The following RFX3 variants were observed in gnomAD, a reference collection of about 807,000 sequenced individuals.
The protein encoded by RFX3 is transcription factor RFX3.
Under a neutral mutation model 98.6 loss-of-function variants are expected in RFX3, and 14 were observed. The observed-to-expected ratio is 0.14, with a 90% CI of 0.09 to 0.22. The LOEUF is 0.22. Among genes scored for constraint, RFX3 ranks in the 10% least tolerant of loss-of-function variants. The probability of loss-of-function intolerance (pLI) is 1.00; values close to 1 mark genes in which losing one functional copy is unlikely to be tolerated. For missense variants in RFX3, 639 were observed against 926.9 expected (o/e 0.69, Z 4.03); for synonymous variants, 383 against 328.4 (o/e 1.17, Z -1.80).
In RFX3 at chr9:3,257,558, T is replaced by C. The variant is rs115720884; in HGVS notation, c.1606-359A>G. ...GGTCTTTCATCCTATTCAGCTTTCATACTGCTTTCAGAAGTTGTCTTTTTG... is the reference window on the plus strand; with the variant it reads ...GGTCTTTCATCCTATTCAGCTTTCACACTGCTTTCAGAAGTTGTCTTTTTG... On this transcript the variant is annotated intron_variant, in intron 13 of 16. Transcript: ENST00000617270. Among the ~76,000 whole-genome samples, 271 of 152,336 alleles carry C rather than the reference T, an allele frequency of 1.8e-3. 1 individual carries two copies. Among genetic ancestry groups the C allele is most frequent in the African/African-American group, 6.3e-3 (262 of 41,576 alleles).
chr9:3,344,782 G>T (rs1834264254), intron 3 of RFX3: 2 of 697,644 alleles, frequency 2.9e-6, no homozygotes, highest in Admixed American at 2.2e-5. Context: ...AGAGCATAAA[G>T]GTCGAAGTGG....
intron 15 of RFX3, among the ~76,000 whole-genome samples, chr9:3,238,836 A>C (rs1183868965): frequency 6.6e-6 from 1 of 151,884 alleles, no homozygotes; most frequent in Non-Finnish European, 1.5e-5. Context: ...AAAAATACAA[A>C]TACAAAATTA....
chr9:3,230,356 T>C (rs1234261182), intron 15 of RFX3, among the ~76,000 whole-genome samples: 1 of 152,136 alleles, frequency 6.6e-6, no homozygotes, highest in Non-Finnish European at 1.5e-5. Flanking sequence ...TTTAGAGCTA[T>C]TTTTTAGAGT....
chr9:3,276,230 T>C (rs1404302163), intron 8 of RFX3, among the ~76,000 whole-genome samples: 1 of 152,116 alleles, frequency 6.6e-6, no homozygotes, highest in East Asian at 1.9e-4. Flanking sequence ...CTGCTTCTCC[T>C]ATTACTCTTC....
chr9:3,271,398 T>C lies in RFX3; in HGVS notation c.1087-280A>G, dbSNP rs367719131. 2.3e-4 allele frequency among the ~76,000 whole-genome samples: 35 copies of C among 152,190 alleles called. 1 individual carries two copies. In the South Asian group the frequency reaches 7.3e-3, roughly 32 times the overall value. On this transcript the variant is annotated intron_variant, in intron 9 of 16. Coordinates refer to ENST00000617270, the MANE Select transcript of RFX3 (RefSeq NM_001282116.2). ...ACCCTCACTTCTACCTCTTTTTTCT[T>C]CCATTTTTCATTTTTGCTTTCATTC...
At chr9:3,232,045 A>G (rs1818533892) in intron 15 of RFX3, among the ~76,000 whole-genome samples, 1 of 151,770 alleles carries the variant, frequency 6.6e-6, no homozygotes, top group Admixed American at 6.6e-5. Flanking sequence ...AAAACAAGCA[A>G]GCAAGCAAGC....
intron 1 of RFX3, among the ~76,000 whole-genome samples, chr9:3,447,605 A>G (rs1461524327): frequency 2.0e-5 from 3 of 152,184 alleles, no homozygotes; most frequent in Non-Finnish European, 2.9e-5. Context: ...AAAAGGAGGT[A>G]ACCGACTTCT....
intron 1 of RFX3, among the ~76,000 whole-genome samples, chr9:3,457,023 C>A (rs1393589005): frequency 1.3e-5 from 2 of 151,604 alleles, no homozygotes; most frequent in Non-Finnish European, 2.9e-5. Flanking sequence ...CACCTGTAAT[C>A]CCAGCTACTT....
intron 1 of RFX3, among the ~76,000 whole-genome samples, chr9:3,491,804 T>C (rs1850740992): frequency 6.6e-6 from 1 of 152,224 alleles, no homozygotes; most frequent in South Asian, 2.1e-4. Context: ...ATCCAATTCA[T>C]TTCTTAAAAG....
chr9:3,415,067 TAAG>T (rs1842856345), intron 1 of RFX3, among the ~76,000 whole-genome samples: 1 of 98,292 alleles, frequency 1.0e-5, no homozygotes, highest in Middle Eastern at 5.3e-3. Flanking sequence ...TACTCATATA[TAAG>T]TATATATATA....
At chr9:3,455,111 T>C (rs955269880) in intron 1 of RFX3, among the ~76,000 whole-genome samples, 1 of 152,174 alleles carries the variant, frequency 6.6e-6, no homozygotes, top group African/African-American at 2.4e-5. Context: ...AGAAATATCT[T>C]CCAAATTTAA....
chr9:3,424,348 C>CTTTTTTTT lies in RFX3; in HGVS notation c.-8-28760_-8-28753dup, dbSNP rs748693786. 1.7e-4 allele frequency among the ~76,000 whole-genome samples: 13 copies of CTTTTTTTT among 76,006 alleles called. 4 individuals are homozygous for CTTTTTTTT. Among genetic ancestry groups the CTTTTTTTT allele is most frequent in the African/African-American group, 5.2e-4 (8 of 15,420 alleles). 49.9% of individuals were successfully genotyped at this position (76,006 alleles called of 152,430 possible). A position where few individuals can be genotyped will look rare whatever the true frequency, so the allele number is the denominator to read the frequency against. The stretch of plus-strand genomic sequence containing the variant: ...AGAGTCACTGTAATTACATAATTGA[C>CTTTTTTTT]TTTTTTTTTTTTTTTTTTTTTTTTT... On this transcript the variant is annotated intron_variant, in intron 1 of 16. Coordinates refer to ENST00000617270, the MANE Select transcript of RFX3 (RefSeq NM_001282116.2).
intron 1 of RFX3, among the ~76,000 whole-genome samples, chr9:3,413,060 A>G (rs969058035): frequency 1.3e-5 from 2 of 152,072 alleles, no homozygotes; most frequent in African/African-American, 4.8e-5. Context: ...GGAAAAACCA[A>G]AAAACCTCTC....
intron 1 of RFX3, among the ~76,000 whole-genome samples, chr9:3,467,344 G>A (rs1320246530): frequency 6.7e-6 from 1 of 148,690 alleles, no homozygotes. Context: ...GTGTGTGTGT[G>A]TAATTAAGTC....
intron 8 of RFX3, among the ~76,000 whole-genome samples, chr9:3,276,380 C>T (rs889316785): frequency 6.6e-6 from 1 of 152,058 alleles, no homozygotes; most frequent in Non-Finnish European, 1.5e-5. Context: ...TAATGTAAGA[C>T]ATTTTGGTGC....
chr9:3,451,462 C>T (rs1043032149), intron 1 of RFX3, among the ~76,000 whole-genome samples: 7 of 152,124 alleles, frequency 4.6e-5, no homozygotes, highest in Admixed American at 1.3e-4. Context: ...GAGGATGGCT[C>T]AAGCCCAGGA....
chr9:3,243,988 CT>C (rs1820295240), intron 15 of RFX3, among the ~76,000 whole-genome samples: 2 of 145,048 alleles, frequency 1.4e-5, no homozygotes, highest in African/African-American at 5.0e-5. Context: ...ATTTCTTCTT[CT>C]TTTTTTCTAT....
At chr9:3,393,682 C>G (rs998373163) in intron 2 of RFX3, among the ~76,000 whole-genome samples, 3 of 151,618 alleles carry the variant, frequency 2.0e-5, no homozygotes, top group Admixed American at 1.3e-4. Context: ...AATAACAGAG[C>G]CTTTTAAATC....
At chr9:3,437,336 C>T (rs983788225) in intron 1 of RFX3, among the ~76,000 whole-genome samples, 5 of 152,068 alleles carry the variant, frequency 3.3e-5, no homozygotes, top group Admixed American at 3.3e-4. Context: ...CTACTATAGA[C>T]ATTCAACTGT....
Sources: gnomAD v4.1 joint callset for allele counts (sites outside exome capture counted in the v4.1 genomes callset) on GRCh38, gnomAD v4.1.1 for gene constraint, MANE v1.5 for transcripts, NCBI Gene and HGNC (gene_info 2026-07-23, HGNC 2026-07-21) for gene names.